Variants in ERBB4 observed in about 807,000 individuals in gnomAD.
ERBB4 encodes the protein receptor tyrosine-protein kinase erbB-4.
ERBB4 carries 42 observed loss-of-function variants against 158.0 expected under a neutral mutation model. The ratio of observed to expected loss-of-function variants is 0.27; its 90% CI spans 0.21 to 0.34. The LOEUF (loss-of-function observed/expected upper bound fraction) is 0.34. Among genes scored for constraint, ERBB4 ranks in the 10% least tolerant of loss-of-function variants. ERBB4 has a pLI of 1.00. For missense variants in ERBB4, 1,333 were observed against 1,624.1 expected (o/e 0.82, Z 3.08); for synonymous variants, 583 against 558.7 (o/e 1.04, Z -0.61).
chr2:212,476,153 T>TCACA (rs59580011), intron 1 of ERBB4, among the ~76,000 whole-genome samples: 25,632 of 144,176 alleles, frequency 0.18, 2,719 homozygotes, highest in Non-Finnish European at 0.24. Context: ...TCTCTCTCTG[T>TCACA]CACACACACA....
At chr2:212,325,769 A>G (rs7601515) in intron 1 of ERBB4, among the ~76,000 whole-genome samples, 104,683 of 149,804 alleles carry the variant, frequency 0.7, 38,247 homozygotes, top group Middle Eastern at 0.76. Context: ...ATGCAGCACA[A>G]AGGTAAAGGT....
chr2:211,941,850 A>G (rs906460972), intron 3 of ERBB4, among the ~76,000 whole-genome samples: 2 of 152,070 alleles, frequency 1.3e-5, no homozygotes, highest in African/African-American at 4.8e-5. Context: ...TATAAACAAA[A>G]CAGATACAAG....
chr2:212,462,154 T>C (rs1382080835), intron 1 of ERBB4, among the ~76,000 whole-genome samples: 1 of 147,440 alleles, frequency 6.8e-6, no homozygotes, highest in African/African-American at 2.4e-5. Flanking sequence ...ATGACACTAC[T>C]AGAAGAAAAC....
rs530255032 is a variant in ERBB4 at position 211,756,067 on chromosome 2, G to C, written c.557-5363C>G. On this transcript the variant is annotated intron_variant, in intron 4 of 27. Coordinates refer to ENST00000342788, the MANE Select transcript of ERBB4 (RefSeq NM_005235.3). Reference sequence around the variant, plus strand: ...AAAATAGGAAAGTAGAACATTGATTGAAAGTCTATGCTAAACCAGTCCCTA... The same window carrying C: ...AAAATAGGAAAGTAGAACATTGATTCAAAGTCTATGCTAAACCAGTCCCTA... Among the ~76,000 whole-genome samples the C allele has an allele frequency of 7.2e-5, 11 of 152,254 alleles. No homozygotes were observed. In the East Asian group the frequency reaches 2.1e-3, roughly 29 times the overall value.
chr2:211,988,231 C>T (rs903742811), intron 2 of ERBB4, among the ~76,000 whole-genome samples: 3 of 151,996 alleles, frequency 2.0e-5, no homozygotes, highest in Non-Finnish European at 2.9e-5. Flanking sequence ...ATTAAAGGCA[C>T]GGTGGTTTAA....
At chr2:212,284,015 A>T (rs1553610728) in intron 1 of ERBB4, among the ~76,000 whole-genome samples, 1 of 150,782 alleles carries the variant, frequency 6.6e-6, no homozygotes, top group Non-Finnish European at 1.5e-5. Flanking sequence ...AACTTCCAAA[A>T]TTTTTTTTCT....
chr2:211,829,537 A>G (rs1399396521), intron 3 of ERBB4, among the ~76,000 whole-genome samples: 1 of 152,124 alleles, frequency 6.6e-6, no homozygotes, highest in East Asian at 1.9e-4. Context: ...GAACATACCA[A>G]CTTTATTAAT....
intron 2 of ERBB4, among the ~76,000 whole-genome samples, chr2:212,018,876 T>C (rs2076584061): frequency 6.6e-6 from 1 of 152,128 alleles, no homozygotes; most frequent in Admixed American, 6.6e-5. Flanking sequence ...AAAAGATTTA[T>C]TTACAAAGGC....
chr2:211,406,168 C>A (rs967782916), intron 25 of ERBB4, among the ~76,000 whole-genome samples: 1 of 152,200 alleles, frequency 6.6e-6, no homozygotes, highest in South Asian at 2.1e-4. Flanking sequence ...TTAACGTATT[C>A]TCTTTGTCCC....
chr2:212,020,311 C>T (rs1464109557), intron 2 of ERBB4, among the ~76,000 whole-genome samples: 1 of 152,138 alleles, frequency 6.6e-6, no homozygotes. Flanking sequence ...AATATTAGAA[C>T]TTATCATATA....
chr2:212,277,959 C>A (rs1446310840), intron 1 of ERBB4, among the ~76,000 whole-genome samples: 1 of 151,356 alleles, frequency 6.6e-6, no homozygotes, highest in Non-Finnish European at 1.5e-5. Context: ...GAAAAAAAAT[C>A]AGACAATGGC....
In ERBB4 at chr2:211,547,761, T is replaced by TA. The variant is rs539001326; in HGVS notation, c.2487+14141dup. On this transcript the variant is annotated intron_variant, in intron 20 of 27. Coordinates refer to ENST00000342788, the MANE Select transcript of ERBB4 (RefSeq NM_005235.3). ...ATTGGGGTAGCTTTCACTTTTCTGT[T>TA]AAAAAAAAAAAGTACCGTAAAAGTA... Among the ~76,000 whole-genome samples the TA allele has an allele frequency of 1.0e-2, 1,452 of 145,604 alleles. 25 individuals carry two copies. Among genetic ancestry groups the TA allele is most frequent in the African/African-American group, 0.031 (1,257 of 39,994 alleles).
intron 1 of ERBB4, among the ~76,000 whole-genome samples, chr2:212,184,656 A>T (rs1170527639): frequency 6.6e-6 from 1 of 152,052 alleles, no homozygotes; most frequent in Non-Finnish European, 1.5e-5. Context: ...GTTTTTGTTT[A>T]TTTTACCTAC....
At chr2:212,427,170 A>G (rs977542680) in intron 1 of ERBB4, among the ~76,000 whole-genome samples, 1 of 152,166 alleles carries the variant, frequency 6.6e-6, no homozygotes, top group African/African-American at 2.4e-5. Flanking sequence ...TCTGTTATTT[A>G]TGATACAAGT....
chr2:211,755,592 T>C (rs2075272335), intron 4 of ERBB4, among the ~76,000 whole-genome samples: 2 of 152,260 alleles, frequency 1.3e-5, no homozygotes, highest in African/African-American at 2.4e-5. Flanking sequence ...GCAATCCCTC[T>C]GCTTTCACAA....
At chr2:212,017,948 TA>T (rs2125321895) in intron 2 of ERBB4, among the ~76,000 whole-genome samples, 1 of 152,276 alleles carries the variant, frequency 6.6e-6, no homozygotes, top group African/African-American at 2.4e-5. Flanking sequence ...AAAAAGAAGC[TA>T]TTGGCATTAT....
intron 3 of ERBB4, among the ~76,000 whole-genome samples, chr2:211,864,166 T>TC (rs1400212494): frequency 6.6e-6 from 1 of 152,210 alleles, no homozygotes; most frequent in African/African-American, 2.4e-5. Context: ...ATTCCTTTCC[T>TC]CTGTGGGTGT....
chr2:212,125,932 C>T (rs60076681), intron 1 of ERBB4, among the ~76,000 whole-genome samples: 1 of 152,066 alleles, frequency 6.6e-6, no homozygotes, highest in African/African-American at 2.4e-5. Flanking sequence ...TAGGTATATA[C>T]CCAGTAATGG....
At chr2:211,534,537 G>GGCAA (rs2066592222) in intron 20 of ERBB4, among the ~76,000 whole-genome samples, 1 of 151,970 alleles carries the variant, frequency 6.6e-6, no homozygotes, top group South Asian at 2.1e-4. Context: ...AATGGCCAGT[G>GGCAA]GCAACTACAT....
Sources: gnomAD v4.1 joint callset for allele counts (sites outside exome capture counted in the v4.1 genomes callset) on GRCh38, gnomAD v4.1.1 for gene constraint, MANE v1.5 for transcripts, NCBI Gene and HGNC (gene_info 2026-07-23, HGNC 2026-07-21) for gene names.